Variants in SGCZ observed in about 807,000 individuals in gnomAD.
SGCZ encodes sarcoglycan zeta.
Under a neutral mutation model 41.3 loss-of-function variants are expected in SGCZ, and 40 were observed. That is an observed-to-expected ratio of 0.97 (90% CI 0.75 to 1.26). SGCZ has a LOEUF of 1.26. SGCZ is among the 50% of genes most tolerant of loss of function. SGCZ has a pLI of 0.00. For missense variants in SGCZ, 552 were observed against 369.8 expected, an observed-to-expected ratio of 1.49 and a Z score of -4.04; for synonymous variants, 206 against 137.5, an observed-to-expected ratio of 1.50 and a Z score of -3.49.
rs34868470 is a variant in SGCZ, at chr8:14,537,560, C to CTTTT, written c.234+17168_234+17171dup. 1.1e-4 allele frequency among the ~76,000 whole-genome samples: 16 copies of CTTTT among 150,326 alleles called. 1 individual carries two copies. Among genetic ancestry groups the CTTTT allele is most frequent in the East Asian group, 8.0e-4 (4 of 5,022 alleles). On this transcript the variant is annotated intron_variant, in intron 2 of 7. Coordinates refer to ENST00000382080, the MANE Select transcript of SGCZ (RefSeq NM_139167.4). ...TTCTTCTCTTCTCTTTCTTTCTTTT[C>CTTTT]TTTTTTTTTCACTTCTTGAGCTCTT...
chr8:15,071,713 A>G (rs1805355461), intron 1 of SGCZ, among the ~76,000 whole-genome samples: 2 of 152,200 alleles, frequency 1.3e-5, no homozygotes, highest in South Asian at 4.1e-4. Context: ...AAGTTAAAAT[A>G]AAGACCAGCT....
chr8:14,691,534 A>G (rs1808797478), intron 1 of SGCZ, among the ~76,000 whole-genome samples: 1 of 152,100 alleles, frequency 6.6e-6, no homozygotes, highest in Non-Finnish European at 1.5e-5. Context: ...CAAATATTTC[A>G]AAATATTTTG....
intron 1 of SGCZ, among the ~76,000 whole-genome samples, chr8:15,158,250 C>T (rs1252957596): frequency 1.3e-5 from 2 of 152,024 alleles, no homozygotes; most frequent in Non-Finnish European, 2.9e-5. Flanking sequence ...CCAGGTTTCT[C>T]TTTCTGTTTA....
intron 4 of SGCZ, among the ~76,000 whole-genome samples, chr8:14,212,331 G>C (rs13261526): frequency 0.28 from 42,341 of 151,858 alleles, 6,944 homozygotes; most frequent in Non-Finnish European, 0.38. Context: ...CATCTCCAAC[G>C]CCTTACCCAT....
At chr8:14,911,362 T>G (rs901971270) in intron 1 of SGCZ, among the ~76,000 whole-genome samples, 3 of 152,020 alleles carry the variant, frequency 2.0e-5, no homozygotes, top group African/African-American at 7.2e-5. Flanking sequence ...CCAATGCCTA[T>G]TTTTCTTAGG....
intron 1 of SGCZ, among the ~76,000 whole-genome samples, chr8:14,833,733 T>C (rs1563302388): frequency 6.6e-6 from 1 of 152,062 alleles, no homozygotes; most frequent in Non-Finnish European, 1.5e-5. Context: ...TTGGGGGTGG[T>C]TGGAGCAAGT....
At chr8:15,011,368 A>C (rs1802822314) in intron 1 of SGCZ, among the ~76,000 whole-genome samples, 1 of 152,196 alleles carries the variant, frequency 6.6e-6, no homozygotes, top group African/African-American at 2.4e-5. Context: ...AAGCATCCTC[A>C]CGGTTTTGTT....
At chr8:14,629,010 G>C (rs1340674423) in intron 1 of SGCZ, among the ~76,000 whole-genome samples, 1 of 152,202 alleles carries the variant, frequency 6.6e-6, no homozygotes, top group Admixed American at 6.6e-5. Context: ...GTTTGCAAAA[G>C]AACCAGCTGT....
intron 1 of SGCZ, among the ~76,000 whole-genome samples, chr8:14,985,108 A>G (rs1304217157): frequency 1.3e-5 from 2 of 152,332 alleles, no homozygotes; most frequent in East Asian, 1.9e-4. Flanking sequence ...AAAGAATGAC[A>G]TAAATATTCT....
chr8:14,462,760 T>C (rs942261788), intron 2 of SGCZ, among the ~76,000 whole-genome samples: 2 of 151,834 alleles, frequency 1.3e-5, no homozygotes, highest in African/African-American at 4.8e-5. Context: ...CAAGAAAAAG[T>C]CATTGGGATT....
At chr8:14,220,580 C>T (rs1806157948) in intron 4 of SGCZ, among the ~76,000 whole-genome samples, 1 of 151,734 alleles carries the variant, frequency 6.6e-6, no homozygotes, top group Non-Finnish European at 1.5e-5. Context: ...GATAATAAAA[C>T]CCCAGCCTGA....
chr8:14,175,445 A>G (rs917388796), intron 4 of SGCZ, among the ~76,000 whole-genome samples: 38 of 152,136 alleles, frequency 2.5e-4, no homozygotes, highest in African/African-American at 7.7e-4. Context: ...ATAGAGAAAT[A>G]AAATGCCCAT....
intron 1 of SGCZ, among the ~76,000 whole-genome samples, chr8:14,763,241 AT>A (rs537941841): frequency 3.8e-4 from 58 of 152,206 alleles, no homozygotes; most frequent in Admixed American, 1.6e-3. Flanking sequence ...GTCTTATATT[AT>A]TGCAAGCTTG....
chr8:14,314,294 T>TC (rs397747881), intron 3 of SGCZ, among the ~76,000 whole-genome samples: 27 of 152,130 alleles, frequency 1.8e-4, no homozygotes, highest in Non-Finnish European at 3.5e-4. Context: ...TTATTTTTTT[T>TC]CCCCACTCTT....
chr8:15,219,331 C>G (rs1801515043), intron 1 of SGCZ, among the ~76,000 whole-genome samples: 1 of 152,242 alleles, frequency 6.6e-6, no homozygotes, highest in Non-Finnish European at 1.5e-5. Flanking sequence ...TAAACACAAT[C>G]TTGACTGTGC....
At chr8:14,627,885 A>C (rs554853934) in intron 1 of SGCZ, among the ~76,000 whole-genome samples, 1 of 152,216 alleles carries the variant, frequency 6.6e-6, no homozygotes, top group African/African-American at 2.4e-5. Flanking sequence ...GTTTAAATGG[A>C]AAAGCCAATG....
intron 1 of SGCZ, among the ~76,000 whole-genome samples, chr8:14,908,062 A>G (rs960099873): frequency 9.2e-5 from 14 of 152,134 alleles, no homozygotes; most frequent in Non-Finnish European, 2.1e-4. Context: ...AAACCACTGA[A>G]AATAAAAATT....
chr8:14,164,708 G>T lies in SGCZ; in HGVS notation c.425-6C>A. The T allele has an allele frequency of 1.2e-6, 2 of 1,612,868 alleles. No homozygotes were observed. The highest frequency in any genetic ancestry group is 1.7e-6 in the Non-Finnish European group (2 of 1,179,408). ...AGCTTCCACAGCATCAGCTCCTATG[G>T]TCAGAGGAAAGGTTTAAAAATGAAA... On this transcript the variant is annotated splice_region_variant and splice_polypyrimidine_tract_variant and intron_variant, in intron 4 of 7. Transcript: ENST00000382080.
Position 14,585,829 on chromosome 8 carries a change from G to A in SGCZ, c.40-30903C>T, listed in dbSNP as rs139557248. Among the ~76,000 whole-genome samples the A allele has an allele frequency of 8.0e-3, 1,214 of 152,166 alleles. 17 individuals carry two copies. Among genetic ancestry groups the A allele is most frequent in the African/African-American group, 0.028 (1,165 of 41,528 alleles). ...TTCATGTGATTGTCAATTCTGTTTCGTAGCAAACCATGAACACTCAAGAAG... is the reference window on the plus strand; with the variant it reads ...TTCATGTGATTGTCAATTCTGTTTCATAGCAAACCATGAACACTCAAGAAG... On this transcript the variant is annotated intron_variant, in intron 1 of 7. Transcript: ENST00000382080.
Sources: allele counts gnomAD v4.1 joint callset (sites outside exome capture counted in the v4.1 genomes callset), GRCh38; gene constraint gnomAD v4.1.1; transcripts MANE v1.5; gene names NCBI Gene and HGNC (gene_info 2026-07-23, HGNC 2026-07-21).